ZMAT4: variants seen among roughly 807,000 people sequenced by gnomAD.
The protein encoded by ZMAT4 is zinc finger matrin-type 4.
A neutral mutation model predicts 28.7 loss-of-function variants in ZMAT4; 17 were observed. The ratio of observed to expected loss-of-function variants is 0.59; its 90% confidence interval spans 0.41 to 0.89. ZMAT4 has a LOEUF of 0.89. ZMAT4 is among the 40% of genes least tolerant of loss of function. The probability of loss-of-function intolerance (pLI) is 0.00; values close to 1 mark genes in which losing one functional copy is unlikely to be tolerated. For synonymous variants in ZMAT4, 117 were observed against 109.2 expected (o/e 1.07, Z -0.44); for missense variants, 240 against 283.8 (o/e 0.85, Z 1.11).
chr8:40,761,434 A>G (rs1326156368), intron 3 of ZMAT4, among the ~76,000 whole-genome samples: 1 of 152,108 alleles, frequency 6.6e-6, no homozygotes, highest in African/African-American at 2.4e-5. Context: ...TCCACCAAGA[A>G]CAGGCGCCCC....
At chr8:40,620,795 C>G (rs1326196553) in intron 5 of ZMAT4, among the ~76,000 whole-genome samples, 1 of 152,156 alleles carries the variant, frequency 6.6e-6, no homozygotes, top group Non-Finnish European at 1.5e-5. Context: ...AGAACTGGCT[C>G]AAAAATGTTG....
intron 3 of ZMAT4, among the ~76,000 whole-genome samples, chr8:40,741,022 G>A (rs903614643): frequency 1.0e-3 from 145 of 138,608 alleles, no homozygotes; most frequent in African/African-American, 3.6e-3. Context: ...ACACACACAC[G>A]CACACACAGC....
chr8:40,825,445 T>G, intron 2 of ZMAT4, 130 bp downstream of exon 2: 1 of 710,650 alleles, frequency 1.4e-6, no homozygotes, highest in Non-Finnish European at 2.3e-6. Flanking sequence ...GACCTCAGAC[T>G]GTACAGGCTC....
At chr8:40,776,852 C>CA (rs201226476) in intron 2 of ZMAT4, among the ~76,000 whole-genome samples, 33,259 of 151,856 alleles carry the variant, frequency 0.22, 3,795 homozygotes, top group Non-Finnish European at 0.25. Context: ...GGACTAAGAA[C>CA]CTGTGTGGAG....
chr8:40,763,699 T>C (rs1233596977), intron 3 of ZMAT4, among the ~76,000 whole-genome samples: 1 of 152,172 alleles, frequency 6.6e-6, no homozygotes, highest in Non-Finnish European at 1.5e-5. Flanking sequence ...TTCACCTTTG[T>C]AATAAGAAGG....
chr8:40,611,436 G>A (rs946724411), intron 5 of ZMAT4, among the ~76,000 whole-genome samples: 1 of 151,996 alleles, frequency 6.6e-6, no homozygotes, highest in Non-Finnish European at 1.5e-5. Flanking sequence ...CGCCTCCCAG[G>A]TTCACACCAT....
intron 6 of ZMAT4, 133 bp downstream of exon 6, chr8:40,581,032 A>G (rs971859944): frequency 1.5e-6 from 1 of 646,916 alleles, no homozygotes; most frequent in Admixed American, 2.8e-5. Context: ...CATAAATATC[A>G]TGTGAACTTT....
Position 40,856,039 on chromosome 8 carries a change from A to G in ZMAT4, c.-4-30359T>C, listed in dbSNP as rs1170154720. On this transcript the variant is annotated intron_variant, in intron 1 of 6. Coordinates refer to ENST00000297737, the MANE Select transcript of ZMAT4 (RefSeq NM_024645.3). ...GATCCAATTTAGTTATCCCTGCCACAAGACCCTCCCCCCGGTAGGGAATAG... is the reference window on the plus strand; with the variant it reads ...GATCCAATTTAGTTATCCCTGCCACGAGACCCTCCCCCCGGTAGGGAATAG... Among the ~76,000 whole-genome samples the G allele has an allele frequency of 3.3e-5, 5 of 152,156 alleles. 1 individual carries two copies. The highest frequency in any genetic ancestry group is 4.2e-4 in the South Asian group (2 of 4,810).
At chr8:40,697,737 T>A (rs937176378) in intron 3 of ZMAT4, among the ~76,000 whole-genome samples, 2 of 121,672 alleles carry the variant, frequency 1.6e-5, no homozygotes, top group Non-Finnish European at 3.2e-5. Flanking sequence ...CCGGCCCCGG[T>A]GCAATCTCTT....
chr8:40,846,614 C>G (rs936819435), intron 1 of ZMAT4, among the ~76,000 whole-genome samples: 1 of 152,212 alleles, frequency 6.6e-6, no homozygotes, highest in Non-Finnish European at 1.5e-5. Context: ...CCTCACTCCC[C>G]CTTGGCGTCC....
chr8:40,594,066 T>C (rs942756590), intron 5 of ZMAT4, among the ~76,000 whole-genome samples: 9 of 152,186 alleles, frequency 5.9e-5, no homozygotes, highest in Admixed American at 2.6e-4. Flanking sequence ...GGAGAGAGTT[T>C]CATAGACAGT....
chr8:40,605,649 T>C (rs1309943084), intron 5 of ZMAT4, among the ~76,000 whole-genome samples: 1 of 152,222 alleles, frequency 6.6e-6, no homozygotes, highest in Non-Finnish European at 1.5e-5. Flanking sequence ...AGTTGTTGGG[T>C]AGAATGTTCT....
chr8:40,758,031 G>C (rs147504167), intron 3 of ZMAT4, among the ~76,000 whole-genome samples: 6 of 152,086 alleles, frequency 3.9e-5, no homozygotes, highest in African/African-American at 1.4e-4. Context: ...CTGGACCTTC[G>C]ACCACAGACT....
intron 1 of ZMAT4, among the ~76,000 whole-genome samples, chr8:40,862,314 G>A (rs1341777332): frequency 6.7e-5 from 10 of 148,806 alleles, no homozygotes; most frequent in East Asian, 4.1e-4. Flanking sequence ...GCAAATTATC[G>A]CAAGGACAAA....
chr8:40,583,838 T>A (rs1331118922), intron 5 of ZMAT4, among the ~76,000 whole-genome samples: 3 of 152,130 alleles, frequency 2.0e-5, no homozygotes, highest in Non-Finnish European at 4.4e-5. Context: ...TTCTTTTGAG[T>A]CCTTGATCGG....
intron 1 of ZMAT4, among the ~76,000 whole-genome samples, chr8:40,855,601 T>G (rs1817267032): frequency 1.3e-5 from 2 of 152,062 alleles, no homozygotes; most frequent in African/African-American, 2.4e-5. Context: ...ACAGTAAAAT[T>G]TGTCCTTCAG....
rs1024706510 is a variant in ZMAT4, at chr8:40,710,343, T to C, written c.193-12942A>G. ...ATCAATAATTATGGGATATTCTAAT[T>C]CATCGTTTCCTGCGTCTTTGTGAAC... On this transcript the variant is annotated intron_variant, in intron 3 of 6. Coordinates refer to ENST00000297737, the MANE Select transcript of ZMAT4 (RefSeq NM_024645.3). 2.6e-5 allele frequency among the ~76,000 whole-genome samples: 4 copies of C among 152,200 alleles called. No homozygotes were observed. The South Asian group carries it at 8.3e-4, about 32-fold the overall frequency.
At chr8:40,854,198 G>A (rs182277790) in intron 1 of ZMAT4, among the ~76,000 whole-genome samples, 12 of 152,160 alleles carry the variant, frequency 7.9e-5, no homozygotes, top group South Asian at 6.2e-4. Flanking sequence ...TGGAAGGGAC[G>A]CATAGTAAAC....
At chr8:40,554,368 T>G (rs948538269) in intron 6 of ZMAT4, among the ~76,000 whole-genome samples, 3 of 150,818 alleles carry the variant, frequency 2.0e-5, no homozygotes, top group Non-Finnish European at 4.5e-5. Context: ...CTAAGTTAAT[T>G]AGTTAATTAA....
Sources: gnomAD v4.1 joint callset for allele counts (sites outside exome capture counted in the v4.1 genomes callset) on GRCh38, gnomAD v4.1.1 for gene constraint, MANE v1.5 for transcripts, NCBI Gene and HGNC (gene_info 2026-07-23, HGNC 2026-07-21) for gene names.